The following SCN9A variants were observed in gnomAD, a reference collection of about 807,000 sequenced individuals.
SCN9A encodes sodium channel protein type 9 subunit alpha.
In SCN9A, 131 loss-of-function variants were observed where a neutral mutation model predicts 187.0. The observed-to-expected ratio is 0.70, with a 90% CI of 0.61 to 0.81. The LOEUF (loss-of-function observed/expected upper bound fraction) is 0.81, where lower values mean the gene tolerates loss of function less well. SCN9A is among the 30% of genes least tolerant of loss of function. The probability of loss-of-function intolerance (pLI) is 0.00; values close to 1 mark genes in which losing one functional copy is unlikely to be tolerated. For missense variants in SCN9A, 2,252 were observed against 2,396.6 expected, an observed-to-expected ratio of 0.94 and a Z score of 1.26; for synonymous variants, 809 against 808.6, an observed-to-expected ratio of 1.00 and a Z score of -0.01.
At chr2:166,252,034 T>A (rs1338106069) in intron 17 of SCN9A, 149 bp from the exon 18 acceptor site, 2 of 797,982 alleles carry the variant, frequency 2.5e-6, no homozygotes, top group Non-Finnish European at 3.9e-6. Context: ...TAAACACATA[T>A]TGAGGTCAAG....
At chr2:166,344,910 G>T (rs987411161) in intron 1 of SCN9A, among the ~76,000 whole-genome samples, 2 of 152,184 alleles carry the variant, frequency 1.3e-5, no homozygotes, top group Non-Finnish European at 2.9e-5. Flanking sequence ...AAGACAGAAA[G>T]CATTTGAATC....
intron 18 of SCN9A, among the ~76,000 whole-genome samples, chr2:166,244,046 C>T (rs1018369504): frequency 7.2e-5 from 11 of 151,864 alleles, no homozygotes; most frequent in African/African-American, 2.7e-4. Flanking sequence ...AGGAAGGATC[C>T]CAGGACTACC....
chr2:166,298,489 T>C (rs1698415126), intron 7 of SCN9A, among the ~76,000 whole-genome samples: 1 of 152,192 alleles, frequency 6.6e-6, no homozygotes, highest in Non-Finnish European at 1.5e-5. Flanking sequence ...AGTGGGTTAA[T>C]TTATTTGATT....
intron 20 of SCN9A, 82 bp from the exon 21 acceptor site, chr2:166,233,544 A>C: frequency 9.1e-7 from 1 of 1,104,498 alleles, no homozygotes; most frequent in Non-Finnish European, 1.3e-6. Flanking sequence ...AACTCACTAA[A>C]AGCAACTCAA....
At chr2:166,219,789 C>A (rs1490728008) in intron 24 of SCN9A, among the ~76,000 whole-genome samples, 4 of 151,972 alleles carry the variant, frequency 2.6e-5, no homozygotes, top group Non-Finnish European at 5.9e-5. Context: ...TTCAAAATTG[C>A]TAAAAGAATA....
chr2:166,336,459 G>A (rs1699630370), intron 1 of SCN9A, among the ~76,000 whole-genome samples: 1 of 152,084 alleles, frequency 6.6e-6, no homozygotes, highest in African/African-American at 2.4e-5. Flanking sequence ...GAAGAAGGGT[G>A]CTTGCTATGG....
intron 17 of SCN9A, among the ~76,000 whole-genome samples, chr2:166,269,906 T>C (rs1373114138): frequency 6.6e-6 from 1 of 152,052 alleles, no homozygotes; most frequent in Admixed American, 6.6e-5. Flanking sequence ...TGCCAGGCAA[T>C]TGGAGTTTAT....
chr2:166,312,057 A>G (rs1698978730), intron 1 of SCN9A, among the ~76,000 whole-genome samples: 1 of 152,010 alleles, frequency 6.6e-6, no homozygotes, highest in African/African-American at 2.4e-5. Flanking sequence ...AAAAATGACA[A>G]TTTTCTGAGT....
chr2:166,303,935 A>T (rs1168848189), intron 6 of SCN9A: 3 of 1,222,432 alleles, frequency 2.5e-6, no homozygotes, highest in South Asian at 1.3e-5. Context: ...AAAACAGAAG[A>T]AATCAAATTT....
intron 11 of SCN9A, among the ~76,000 whole-genome samples, chr2:166,285,199 C>T (rs1252917465): frequency 6.6e-6 from 1 of 152,122 alleles, no homozygotes; most frequent in Non-Finnish European, 1.5e-5. Flanking sequence ...CCAGGCTTCA[C>T]AAAAAAATTG....
At chr2:166,341,035 T>C (rs1005392087) in intron 1 of SCN9A, among the ~76,000 whole-genome samples, 1 of 152,244 alleles carries the variant, frequency 6.6e-6, no homozygotes, top group Admixed American at 6.5e-5. Flanking sequence ...TGCATTGATA[T>C]ACTAAAGTAT....
At chr2:166,232,027 G>A (rs554016623) in intron 21 of SCN9A, among the ~76,000 whole-genome samples, 1 of 152,268 alleles carries the variant, frequency 6.6e-6, no homozygotes, top group East Asian at 1.9e-4. Flanking sequence ...ACTTTAAATT[G>A]AGCCTTAAAG....
intron 23 of SCN9A, among the ~76,000 whole-genome samples, chr2:166,227,356 G>C (rs1694882701): frequency 6.6e-6 from 1 of 152,172 alleles, no homozygotes. Flanking sequence ...GTAGGCATTG[G>C]ATGATTGTAG....
intron 2 of SCN9A, among the ~76,000 whole-genome samples, chr2:166,309,069 A>G (rs1356800401): frequency 6.6e-6 from 1 of 152,108 alleles, no homozygotes. Flanking sequence ...GAAAGTAACT[A>G]ATATAAGGCA....
Position 166,311,777 on chromosome 2 carries a change from A to C in SCN9A, c.-21T>G. ...GCCATCTTTTCATCCTGTATATTTT[A>C]ATTCCTCTTCAGCTCCTCACATAAG... On this transcript the variant is annotated 5_prime_UTR_variant, in exon 2 of 27. It adds an upstream start codon to the 5' untranslated region. Transcript: ENST00000642356. 6.4e-7 allele frequency: 1 copy of C among 1,564,646 alleles called. No homozygotes were observed. Among genetic ancestry groups the C allele is most frequent in the Non-Finnish European group, 8.7e-7 (1 of 1,151,358 alleles).
At chr2:166,244,514 A>G (rs1184571745) in intron 18 of SCN9A, among the ~76,000 whole-genome samples, 2 of 152,044 alleles carry the variant, frequency 1.3e-5, no homozygotes, top group East Asian at 3.9e-4. Context: ...AAGACATATC[A>G]CTTCCTAATT....
intron 18 of SCN9A, among the ~76,000 whole-genome samples, chr2:166,244,637 C>T (rs1045156698): frequency 6.6e-6 from 1 of 151,892 alleles, no homozygotes. Context: ...CTGGATTATT[C>T]TCTCTGGACA....
At chr2:166,258,404 C>A (rs1696368183) in intron 17 of SCN9A, among the ~76,000 whole-genome samples, 1 of 151,324 alleles carries the variant, frequency 6.6e-6, no homozygotes, top group Non-Finnish European at 1.5e-5. Flanking sequence ...TTATTCTTAT[C>A]AATGAGTAAT....
At chr2:166,295,344 A>C (rs916497339) in intron 7 of SCN9A, among the ~76,000 whole-genome samples, 2 of 152,218 alleles carry the variant, frequency 1.3e-5, no homozygotes, top group African/African-American at 4.8e-5. Flanking sequence ...TGTGTCACTT[A>C]ATGACTGTGA....
Sources: gnomAD v4.1 joint callset for allele counts (sites outside exome capture counted in the v4.1 genomes callset) on GRCh38, gnomAD v4.1.1 for gene constraint, MANE v1.5 for transcripts, NCBI Gene and HGNC (gene_info 2026-07-23, HGNC 2026-07-21) for gene names.